ATG13: variants seen among roughly 807,000 people sequenced by gnomAD.
ATG13 encodes autophagy related 13.
ATG13 carries 23 observed loss-of-function variants against 65.5 expected under a neutral mutation model. The observed-to-expected ratio is 0.35, with a 90% CI of 0.25 to 0.50. The LOEUF (loss-of-function observed/expected upper bound fraction) is 0.50. Among genes scored for constraint, ATG13 ranks in the 20% least tolerant of loss-of-function variants. The pLI, the probability that ATG13 is intolerant of heterozygous loss-of-function variation, is 0.98. For missense variants in ATG13, 566 were observed against 677.0 expected, an observed-to-expected ratio of 0.84 and a Z score of 1.82; for synonymous variants, 252 against 245.2, an observed-to-expected ratio of 1.03 and a Z score of -0.26.
At position 46,664,929 on chromosome 11, in the gene ATG13, T is replaced by C; in HGVS notation, c.969T>C (p.Ala323=). Reference sequence around the variant, plus strand: ...ACCTGGCTTATCCAGTAGTGTTTGCTGCTGGCTTAAATGCTACACACCCTC... The same window carrying C: ...ACCTGGCTTATCCAGTAGTGTTTGCCGCTGGCTTAAATGCTACACACCCTC... The part of the protein sequence containing the change: ...SADLAYPVVF[A]AGLNATHPHQ... The change falls in exon 13 of 19, where the codon GCT becomes GCC. Residue 323 remains alanine, a synonymous_variant. Transcript: ENST00000683050. The C allele has an allele frequency of 1.2e-6, 2 of 1,614,050 alleles. No individual in the cohort carries two copies. The highest frequency in any genetic ancestry group is 1.7e-6 in the Non-Finnish European group (2 of 1,179,872).
chr11:46,617,876 G>T lies in ATG13; in HGVS notation c.-84G>T. The T allele has an allele frequency of 2.5e-6, 1 of 399,142 alleles. No individual in the cohort carries two copies. Among genetic ancestry groups the T allele is most frequent in the Non-Finnish European group, 4.4e-6 (1 of 226,116 alleles). The allele number at this position is 399,142 out of a possible 1,614,324, so 24.7% of individuals were successfully genotyped here. A position where few individuals can be genotyped will look rare whatever the true frequency, so the allele number is the denominator to read the frequency against. Reference sequence around the variant, plus strand: ...ATGAGAGCCCGGAACCACTCTTTGTGCCGCAGCTTCGCAGGTACTAACTTT... The same window carrying T: ...ATGAGAGCCCGGAACCACTCTTTGTTCCGCAGCTTCGCAGGTACTAACTTT... On this transcript the variant is annotated 5_prime_UTR_variant, in exon 1 of 19. Transcript: ENST00000683050.
intron 2 of ATG13, among the ~76,000 whole-genome samples, chr11:46,637,828 A>G (rs955079722): frequency 2.6e-5 from 4 of 152,194 alleles, no homozygotes; most frequent in Non-Finnish European, 4.4e-5. Flanking sequence ...GGCTCCTGGC[A>G]TAGGGCAGCT....
Position 46,669,389 on chromosome 11 carries a change from G to A in ATG13, c.1447-15G>A, listed in dbSNP as rs200851715. 120 of 1,613,562 alleles carry A rather than the reference G, an allele frequency of 7.4e-5. 2 individuals are homozygous for A. Among genetic ancestry groups the A allele is most frequent in the Admixed American group, 7.0e-4 (42 of 59,994 alleles). ...GTTCAAGGCAAGCTAAACTGACTCT[G>A]TCTTGTTTTTGAAGAAACCAGCTTT... On this transcript the variant is annotated splice_polypyrimidine_tract_variant and intron_variant, in intron 17 of 18. Transcript: ENST00000683050.
chr11:46,669,574 A>G, intron 18 of ATG13, 42 bp downstream of exon 18: 5 of 1,607,086 alleles, frequency 3.1e-6, no homozygotes, highest in Non-Finnish European at 4.3e-6. Context: ...TCCTTATTTG[A>G]TGGTCATTCC....
At chr11:46,644,254 T>C in intron 2 of ATG13, 25 bp from the exon 3 acceptor site, 8 of 1,517,792 alleles carry the variant, frequency 5.3e-6, no homozygotes, top group Non-Finnish European at 7.2e-6. Context: ...ATATTAGTCA[T>C]ATTTTTTTCA....
At position 46,664,049 on chromosome 11, in the gene ATG13, C is replaced by T. The variant is rs186267300; in HGVS notation, c.842C>T (p.Thr281Met). 4 of 1,596,830 alleles carry T rather than the reference C, an allele frequency of 2.5e-6. No individual in the cohort carries two copies. Among genetic ancestry groups the T allele is most frequent in the Admixed American group, 1.7e-5 (1 of 59,814 alleles). Residue 281 changes from threonine (T) to methionine (M), a missense_variant, in exon 12 of 19, where the codon ACG (threonine) becomes ATG (methionine). Transcript: ENST00000683050. ...AHFQTPTPVV[T>M]DTLRVPMAGL... ...TTTCAGACCCCTACTCCTGTGGTGA[C>T]GGACACCCTGAGGGTCCCCATGGCA...
intron 3 of ATG13, among the ~76,000 whole-genome samples, 184 bp downstream of exon 3, chr11:46,644,544 T>C (rs983412034): frequency 1.3e-5 from 2 of 151,986 alleles, no homozygotes; most frequent in African/African-American, 4.8e-5. Flanking sequence ...GTAGCTAAAA[T>C]GTAGCTTCCA....
At chr11:46,664,715 G>A in intron 12 of ATG13, 134 bp from the exon 13 acceptor site, 1 of 723,338 alleles carries the variant, frequency 1.4e-6, no homozygotes, top group Non-Finnish European at 2.4e-6. Context: ...ATCACGTCAG[G>A]CCCCCTGCAC....
At chr11:46,656,630 C>G (rs970597601) in intron 8 of ATG13, among the ~76,000 whole-genome samples, 2 of 152,180 alleles carry the variant, frequency 1.3e-5, no homozygotes, top group East Asian at 1.9e-4. Flanking sequence ...GTGTCACTTG[C>G]AAGGCCTTGG....
intron 1 of ATG13, among the ~76,000 whole-genome samples, chr11:46,627,680 T>C (rs754443279): frequency 9.9e-5 from 15 of 152,034 alleles, no homozygotes; most frequent in Non-Finnish European, 2.2e-4. Flanking sequence ...GGTTTCTCCA[T>C]GTTCATCAGG....
chr11:46,646,946 G>A (rs963118103), intron 5 of ATG13, among the ~76,000 whole-genome samples: 1 of 151,860 alleles, frequency 6.6e-6, no homozygotes, highest in South Asian at 2.1e-4. Flanking sequence ...TTTTTGTAGA[G>A]ATGGGGTTTC....
intron 11 of ATG13, chr11:46,659,761 G>T: frequency 6.5e-6 from 2 of 305,590 alleles, no homozygotes; most frequent in South Asian, 1.3e-4. Context: ...AATGCATTCT[G>T]ACACCAGAGA....
intron 14 of ATG13, among the ~76,000 whole-genome samples, chr11:46,666,780 T>C (rs1209697932): frequency 6.6e-6 from 1 of 152,146 alleles, no homozygotes; most frequent in Non-Finnish European, 1.5e-5. Context: ...CTACCCTCCC[T>C]TGATTTTGAA....
At chr11:46,638,033 T>G (rs1456135496) in intron 2 of ATG13, among the ~76,000 whole-genome samples, 1 of 152,252 alleles carries the variant, frequency 6.6e-6, no homozygotes, top group African/African-American at 2.4e-5. Context: ...TACATATTTA[T>G]GGGGTTCGTG....
chr11:46,631,050 T>C (rs2051544115), intron 2 of ATG13: 1 of 152,184 alleles, frequency 6.6e-6, no homozygotes, highest in African/African-American at 2.4e-5. Flanking sequence ...TTGACTTCTT[T>C]GATTTGTTAT....
At chr11:46,618,057 C>A (rs887314622) in intron 1 of ATG13, 167 bp downstream of exon 1, 39 of 396,492 alleles carry the variant, frequency 9.8e-5, no homozygotes, top group Non-Finnish European at 1.6e-4. Context: ...GGTCTAGGCC[C>A]CGTTGGCCCC....
At chr11:46,618,013 C>A in intron 1 of ATG13, 123 bp downstream of exon 1, 1 of 397,492 alleles carries the variant, frequency 2.5e-6, no homozygotes, top group Non-Finnish European at 4.4e-6. Context: ...GTTCAATCCC[C>A]TGGGCCCCTG....
chr11:46,646,402 C>T (rs1022501941), intron 5 of ATG13, among the ~76,000 whole-genome samples: 1 of 152,156 alleles, frequency 6.6e-6, no homozygotes, highest in African/African-American at 2.4e-5. Context: ...CCCGCATTGG[C>T]CTCCCAAAGT....
chr11:46,663,882 G>A (rs1193394512), intron 11 of ATG13, 115 bp from the exon 12 acceptor site: 10 of 724,898 alleles, frequency 1.4e-5, no homozygotes, highest in Non-Finnish European at 2.0e-5. Flanking sequence ...TCCAGTGTCA[G>A]TTCTGGCCTC....
Sources: allele counts gnomAD v4.1 joint callset (sites outside exome capture counted in the v4.1 genomes callset), GRCh38; gene constraint gnomAD v4.1.1; transcripts MANE v1.5; gene names NCBI Gene and HGNC (gene_info 2026-07-23, HGNC 2026-07-21).